Variants in MRPL24 observed in about 807,000 individuals in gnomAD.
MRPL24 encodes large ribosomal subunit protein uL24m.
MRPL24 carries 15 observed loss-of-function variants against 26.9 expected under a neutral mutation model. That is an observed-to-expected ratio of 0.56 (90% CI 0.37 to 0.86). The LOEUF (loss-of-function observed/expected upper bound fraction) is 0.86. Among genes scored for constraint, MRPL24 ranks in the 40% least tolerant of loss-of-function variants. The probability of loss-of-function intolerance (pLI) is 0.00; values close to 1 mark genes in which losing one functional copy is unlikely to be tolerated. For missense variants in MRPL24, 241 were observed against 281.4 expected (o/e 0.86, Z 1.03); for synonymous variants, 92 against 102.4 (o/e 0.90, Z 0.62).
upstream of MRPL24, chr1:156,741,220 T>G (rs1052063539): frequency 6.6e-6 from 1 of 152,138 alleles, no homozygotes; most frequent in Non-Finnish European, 1.5e-5. Context: ...GCTAGAAAGC[T>G]GGAAACAGGA....
At chr1:156,742,533 T>C (rs1425444752), upstream of MRPL24, 1 of 152,728 alleles carries the variant, frequency 6.5e-6, no homozygotes, top group African/African-American at 2.4e-5. Context: ...AAATTTTTTT[T>C]TGTAATTTTC....
rs1030248615 is a variant in MRPL24 at position 156,741,075 on chromosome 1, G to A, written c.-124C>T. ...CACCTCCACTTTCCGCGGCACTTCG[G>A]ATTTTCAGCACATGGGCCCTCAGCG... On this transcript the variant is annotated 5_prime_UTR_variant, in exon 1 of 6. Coordinates refer to ENST00000361531, the MANE Select transcript of MRPL24 (RefSeq NM_145729.3). 2 of 152,244 alleles carry A rather than the reference G, an allele frequency of 1.3e-5. No individual in the cohort carries two copies. The highest frequency in any genetic ancestry group is 4.8e-5 in the African/African-American group (2 of 41,444). 9.4% of individuals were successfully genotyped at this position (152,244 alleles called of 1,614,324 possible). A position where few individuals can be genotyped will look rare whatever the true frequency, so the allele number is the denominator to read the frequency against.
upstream of MRPL24, chr1:156,741,294 AG>A (rs1650097245): frequency 6.6e-6 from 1 of 152,238 alleles, no homozygotes; most frequent in South Asian, 2.1e-4. Flanking sequence ...GGGAATCGAA[AG>A]GCAAGCTGGT....
chr1:156,738,452 C>G lies in MRPL24; in HGVS notation c.184-14G>C, dbSNP rs28697076. On this transcript the variant is annotated splice_polypyrimidine_tract_variant and intron_variant, in intron 2 of 5. Transcript: ENST00000361531. ...TAGGATCTCCACCTGTGGGAAGATACGAAGGTTAGGGAGGGGGATCCTTGC... is the reference window on the plus strand; with the variant it reads ...TAGGATCTCCACCTGTGGGAAGATAGGAAGGTTAGGGAGGGGGATCCTTGC... 0.032 allele frequency: 51,940 copies of G among 1,613,774 alleles called. 1,017 individuals carry two copies. Among genetic ancestry groups the G allele is most frequent in the Non-Finnish European group, 0.039 (46,030 of 1,179,836 alleles).
rs773636766 is a variant in MRPL24 at position 156,738,446 on chromosome 1, A to T, written c.184-8T>A. On this transcript the variant is annotated splice_region_variant and splice_polypyrimidine_tract_variant and intron_variant, in intron 2 of 5. Coordinates refer to ENST00000361531, the MANE Select transcript of MRPL24 (RefSeq NM_145729.3). ...GCCTTCTAGGATCTCCACCTGTGGGAAGATACGAAGGTTAGGGAGGGGGAT... is the reference window on the plus strand; with the variant it reads ...GCCTTCTAGGATCTCCACCTGTGGGTAGATACGAAGGTTAGGGAGGGGGAT... 6.2e-7 allele frequency: 1 copy of T among 1,613,814 alleles called. No individual in the cohort carries two copies. Among genetic ancestry groups the T allele is most frequent in the Non-Finnish European group, 8.5e-7 (1 of 1,179,798 alleles).
chr1:156,740,084 T>C (rs1173962037), intron 1 of MRPL24, among the ~76,000 whole-genome samples: 1 of 152,216 alleles, frequency 6.6e-6, no homozygotes, highest in Non-Finnish European at 1.5e-5. Flanking sequence ...TGTATTATTA[T>C]CCCTGTGGGG....
chr1:156,738,198 G>A, intron 3 of MRPL24, 64 bp from the exon 4 acceptor site: 2 of 1,572,742 alleles, frequency 1.3e-6, no homozygotes, highest in Non-Finnish European at 1.7e-6. Context: ...TTGCTACTCG[G>A]CGCATTCAGC....
chr1:156,739,191 A>T (rs1449594113), intron 1 of MRPL24, among the ~76,000 whole-genome samples: 1 of 152,172 alleles, frequency 6.6e-6, no homozygotes, highest in Non-Finnish European at 1.5e-5. Context: ...CAGAAATAAA[A>T]ACTGGGGTTA....
intron 1 of MRPL24, among the ~76,000 whole-genome samples, chr1:156,739,239 T>C (rs1295497500): frequency 6.6e-6 from 1 of 152,128 alleles, no homozygotes; most frequent in Non-Finnish European, 1.5e-5. Context: ...TATCCTCAGA[T>C]AGGAAATAAC....
At position 156,738,062 on chromosome 1, in the gene MRPL24, G is replaced by A. The variant is rs771065346; in HGVS notation, c.352C>T (p.Arg118Cys). 1.3e-5 allele frequency: 21 copies of A among 1,614,032 alleles called. No individual in the cohort carries two copies. The highest frequency in any genetic ancestry group is 2.2e-5 in the South Asian group (2 of 91,086). Residue 118 changes from arginine (R) to cysteine (C), a missense_variant, in exon 4 of 6, where the codon CGC (arginine) becomes TGC (cysteine). Physicochemically the swap from Arg to Cys is radical, Grantham distance 180 (BLOSUM62 -3). Coordinates refer to ENST00000361531, the MANE Select transcript of MRPL24 (RefSeq NM_145729.3). Reference protein sequence around the residue: ...MIPSEAPLLHRQVKLVDPMDR... With the variant: ...MIPSEAPLLHCQVKLVDPMDR... ...ATAGGATCCACAAGTTTGACCTGGC[G>A]GTGGAGCAAGGGGGCTTCACTAGGG...
chr1:156,738,342 C>T lies in MRPL24; in HGVS notation c.279+1G>A, dbSNP rs1348614115. ...CATCCCCATCCCCTCTCTCAACTTA[C>T]TGTGTTCAGCCCTCCCACGACCACC... On this transcript the variant is annotated splice_donor_variant, in intron 3 of 5. Transcript: ENST00000361531. LOFTEE classifies it high-confidence loss of function. 2 of 1,613,994 alleles carry T rather than the reference C, an allele frequency of 1.2e-6. No individual in the cohort carries two copies. The highest frequency in any genetic ancestry group is 8.5e-7 in the Non-Finnish European group (1 of 1,179,852).
At chr1:156,739,354 C>T (rs187968240) in intron 1 of MRPL24, among the ~76,000 whole-genome samples, 1 of 152,292 alleles carries the variant, frequency 6.6e-6, no homozygotes, top group East Asian at 1.9e-4. Flanking sequence ...CTCTAAACCA[C>T]TCGATTCTCA....
At chr1:156,737,939 A>G in intron 4 of MRPL24, 92 bp downstream of exon 4, 1 of 1,454,116 alleles carries the variant, frequency 6.9e-7, no homozygotes, top group Middle Eastern at 1.9e-4. Context: ...GTCCCTCTTA[A>G]TTTCCAGAGC....
intron 4 of MRPL24, 104 bp from the exon 5 acceptor site, chr1:156,737,880 C>A: frequency 1.3e-6 from 2 of 1,519,614 alleles, no homozygotes; most frequent in Non-Finnish European, 1.8e-6. Flanking sequence ...CACCGCGTTT[C>A]TCCACCTCTG....
At position 156,738,668 on chromosome 1, in the gene MRPL24, C is replaced by T. The variant is rs149264121; in HGVS notation, c.37G>A (p.Val13Ile). The T allele has an allele frequency of 1.6e-3, 2,552 of 1,594,612 alleles. 2 individuals carry two copies. The highest frequency in any genetic ancestry group is 1.8e-3 in the Non-Finnish European group (2,138 of 1,174,708). Reference sequence around the variant, plus strand: ...TAGCGGTAATGGGGGGGCAGAGTGACCTTGGATGCCAAGGCCAGCAGGGCA... The same window carrying T: ...TAGCGGTAATGGGGGGGCAGAGTGATCTTGGATGCCAAGGCCAGCAGGGCA... ...LSALLALASK[V>I]TLPPHYRYGM... The change falls in exon 2 of 6, where the codon GTC becomes ATC. Residue 13 changes from valine (V) to isoleucine (I), a missense_variant. By Grantham distance (29) the Val-to-Ile change is conservative. Transcript: ENST00000361531.
At chr1:156,738,822 C>T in intron 1 of MRPL24, 58 bp from the exon 2 acceptor site, 1 of 887,406 alleles carries the variant, frequency 1.1e-6, no homozygotes, top group Non-Finnish European at 1.7e-6. Context: ...TTTTTTAAAG[C>T]ACTTACTCTA....
chr1:156,737,986 G>T, intron 4 of MRPL24, 45 bp downstream of exon 4: 1 of 1,577,900 alleles, frequency 6.3e-7, no homozygotes, highest in South Asian at 1.1e-5. Flanking sequence ...GCACTTTTTG[G>T]ACCCAGAGGG....
intron 1 of MRPL24, among the ~76,000 whole-genome samples, chr1:156,739,787 G>C (rs1054509335): frequency 6.6e-6 from 1 of 151,538 alleles, no homozygotes; most frequent in Admixed American, 6.6e-5. Flanking sequence ...TCAGCCTCCT[G>C]AATAGCTAGG....
intron 3 of MRPL24, 92 bp from the exon 4 acceptor site, chr1:156,738,226 A>C: frequency 6.5e-7 from 1 of 1,533,304 alleles, no homozygotes; most frequent in Non-Finnish European, 9.0e-7. Context: ...GAAAAGTAGA[A>C]GGTTCAGTAA....
Sources: allele counts gnomAD v4.1 joint callset (sites outside exome capture counted in the v4.1 genomes callset), GRCh38; gene constraint gnomAD v4.1.1; transcripts MANE v1.5; gene names NCBI Gene and HGNC (gene_info 2026-07-23, HGNC 2026-07-21).